Variants in KLHL3 observed in about 807,000 individuals in gnomAD.
KLHL3 encodes the protein kelch like family member 3, also known as kelch-like protein 3.
Under a neutral mutation model 70.5 loss-of-function variants are expected in KLHL3, and 19 were observed. The observed-to-expected ratio is 0.27, with a 90% CI of 0.19 to 0.40. The LOEUF is 0.40. Among genes scored for constraint, KLHL3 ranks in the 10% least tolerant of loss-of-function variants. The pLI is 1.00. For synonymous variants in KLHL3, 258 were observed against 290.3 expected (o/e 0.89, Z 1.13); for missense variants, 512 against 771.1 (o/e 0.66, Z 3.98).
chr5:137,663,012 T>C (rs371772950), intron 6 of KLHL3, among the ~76,000 whole-genome samples: 1 of 148,690 alleles, frequency 6.7e-6, no homozygotes, highest in African/African-American at 2.5e-5. Flanking sequence ...GGAGTATCCA[T>C]ACCATTAGAT....
At chr5:137,677,683 A>C in intron 5 of KLHL3, 29 bp from the exon 6 acceptor site, 1 of 1,409,998 alleles carries the variant, frequency 7.1e-7, no homozygotes, top group African/African-American at 1.5e-5. Context: ...AAAGAAGTTA[A>C]GAAAACAAAG....
At chr5:137,729,686 C>T (rs1011125511) in intron 1 of KLHL3, among the ~76,000 whole-genome samples, 1 of 152,138 alleles carries the variant, frequency 6.6e-6, no homozygotes, top group Non-Finnish European at 1.5e-5. Context: ...CAACTCTGGA[C>T]AGCAATGGGA....
intron 3 of KLHL3, among the ~76,000 whole-genome samples, chr5:137,700,226 A>G (rs1284850402): frequency 6.6e-6 from 1 of 152,284 alleles, no homozygotes; most frequent in Non-Finnish European, 1.5e-5. Context: ...AAACAAAAAC[A>G]TGCATACACA....
At chr5:137,726,562 G>T (rs1340886918) in intron 1 of KLHL3, among the ~76,000 whole-genome samples, 6 of 152,064 alleles carry the variant, frequency 3.9e-5, no homozygotes, top group Non-Finnish European at 8.8e-5. Flanking sequence ...CTGAATTCCT[G>T]TAGTATTTCT....
At position 137,636,400 on chromosome 5, in the gene KLHL3, A is replaced by G. The variant is rs549210239; in HGVS notation, c.1321+894T>C. On this transcript the variant is annotated intron_variant, in intron 11 of 14. Coordinates refer to ENST00000309755, the MANE Select transcript of KLHL3 (RefSeq NM_017415.3). ...ACAGATATTCCATCTAAATTCCCAC[A>G]TTACTACAAGTTGATGAATCAGTGT... 6.6e-5 allele frequency among the ~76,000 whole-genome samples: 10 copies of G among 152,358 alleles called. No homozygotes were observed. In the South Asian group the frequency reaches 2.1e-3, roughly 32 times the overall value.
intron 12 of KLHL3, among the ~76,000 whole-genome samples, chr5:137,631,403 C>G (rs1370539064): frequency 6.6e-6 from 1 of 151,746 alleles, no homozygotes; most frequent in Non-Finnish European, 1.5e-5. Flanking sequence ...AAGTCATTTT[C>G]TTCACATGTT....
In KLHL3 at chr5:137,692,143, T is replaced by G. The variant is rs548850979; in HGVS notation, c.526+142A>C. The G allele has an allele frequency of 4.4e-4, 311 of 711,142 alleles. 2 individuals carry two copies. The Middle Eastern group carries it at 7.3e-3, about 17-fold the overall frequency. The allele number at this position is 711,142 out of a possible 1,614,324, so 44.1% of individuals were successfully genotyped here. The stretch of plus-strand genomic sequence containing the variant: ...TGAGCTAAACTGTCCTATCATTAAT[T>G]ATCTTTCCACCTGTATCCCTAACTA... On this transcript the variant is annotated intron_variant, in intron 5 of 14. Coordinates refer to ENST00000309755, the MANE Select transcript of KLHL3 (RefSeq NM_017415.3).
At chr5:137,683,728 T>A (rs989816528) in intron 5 of KLHL3, among the ~76,000 whole-genome samples, 1 of 150,728 alleles carries the variant, frequency 6.6e-6, no homozygotes, top group African/African-American at 2.4e-5. Flanking sequence ...TGTTGTCCTC[T>A]CCCTCTCTTT....
At chr5:137,709,149 G>A (rs1752741328) in intron 3 of KLHL3, among the ~76,000 whole-genome samples, 1 of 152,344 alleles carries the variant, frequency 6.6e-6, no homozygotes, top group Non-Finnish European at 1.5e-5. Context: ...GTTGGCAAAG[G>A]TGCTGAAACT....
At chr5:137,635,591 G>A (rs549335666) in intron 11 of KLHL3, among the ~76,000 whole-genome samples, 1 of 152,264 alleles carries the variant, frequency 6.6e-6, no homozygotes, top group East Asian at 1.9e-4. Flanking sequence ...TGATGAGAGG[G>A]AGGAGAGGAA....
intron 8 of KLHL3, among the ~76,000 whole-genome samples, chr5:137,651,779 G>A (rs576602379): frequency 2.0e-5 from 3 of 152,188 alleles, no homozygotes; most frequent in African/African-American, 7.2e-5. Context: ...CAAAACTGGA[G>A]GACTCATATT....
Position 137,692,456 on chromosome 5 carries a change from G to C in KLHL3, c.364-9C>G. On this transcript the variant is annotated splice_polypyrimidine_tract_variant and intron_variant, in intron 4 of 14. Coordinates refer to ENST00000309755, the MANE Select transcript of KLHL3 (RefSeq NM_017415.3). ...GCTGCCGGGAGCAGCACCTGCAAGAGAAGGTGACATTCTCAGATATTGGAT... is the reference window on the plus strand; with the variant it reads ...GCTGCCGGGAGCAGCACCTGCAAGACAAGGTGACATTCTCAGATATTGGAT... 4 of 1,613,796 alleles carry C rather than the reference G, an allele frequency of 2.5e-6. No homozygotes were observed. The highest frequency in any genetic ancestry group is 2.5e-6 in the Non-Finnish European group (3 of 1,179,894).
At chr5:137,632,294 T>C (rs1750657619) in intron 12 of KLHL3, among the ~76,000 whole-genome samples, 1 of 152,110 alleles carries the variant, frequency 6.6e-6, no homozygotes, top group South Asian at 2.1e-4. Flanking sequence ...AGCATGGTGC[T>C]GGTACCAAAA....
rs964822390 is a variant in KLHL3, at chr5:137,637,176, C to T, written c.1321+118G>A. The T allele has an allele frequency of 9.4e-6, 7 of 746,406 alleles. No homozygotes were observed. In the African/African-American group the frequency reaches 1.2e-4, roughly 13 times the overall value. 46.2% of individuals were successfully genotyped at this position (746,406 alleles called of 1,614,324 possible). ...TAAATCAGGATAATAGTACCTAACC[C>T]AGAGGAGTGATCTCAGGAAAAAAAA... is the stretch of plus-strand genomic sequence containing the variant. On this transcript the variant is annotated intron_variant, in intron 11 of 14. Coordinates refer to ENST00000309755, the MANE Select transcript of KLHL3 (RefSeq NM_017415.3).
rs1269672559 is a variant in KLHL3, at chr5:137,639,279, G to T, written c.1022-129C>A. On this transcript the variant is annotated intron_variant, in intron 9 of 14. Coordinates refer to ENST00000309755, the MANE Select transcript of KLHL3 (RefSeq NM_017415.3). The surrounding 1 kb of genome is among the most constrained non-coding windows in gnomAD (Gnocchi z 5.0). ...CCGAAGATACTTTAGGTATTTGGCA[G>T]TCATTATGGGATTCACTGGATTTCT... The T allele has an allele frequency of 3.9e-6, 3 of 769,470 alleles. No homozygotes were observed. The East Asian group carries it at 8.1e-5, about 21-fold the overall frequency. The allele number at this position is 769,470 out of a possible 1,614,324, so 47.7% of individuals were successfully genotyped here.
rs1482068791 is a variant in KLHL3 at position 137,618,919 on chromosome 5, C to A, written c.*3179G>T. ...TAAAAAAAAAAAAAAGGCTCATCTACCTGGAGCTACTGAAAAATATGTTTC... is the reference window on the plus strand; with the variant it reads ...TAAAAAAAAAAAAAAGGCTCATCTAACTGGAGCTACTGAAAAATATGTTTC... On this transcript the variant is annotated 3_prime_UTR_variant, in exon 15 of 15. Transcript: ENST00000309755. The A allele has an allele frequency of 1.4e-5, 2 of 143,116 alleles. No homozygotes were observed. The highest frequency in any genetic ancestry group is 3.0e-5 in the Non-Finnish European group (2 of 66,026). 8.9% of individuals were successfully genotyped at this position (143,116 alleles called of 1,614,324 possible).
At chr5:137,712,333 G>T (rs1752810474) in intron 2 of KLHL3, among the ~76,000 whole-genome samples, 1 of 152,036 alleles carries the variant, frequency 6.6e-6, no homozygotes, top group Admixed American at 6.6e-5. Flanking sequence ...GACAATTTTT[G>T]AACAAATGGG....
intron 5 of KLHL3, among the ~76,000 whole-genome samples, chr5:137,683,846 A>G (rs1752096986): frequency 6.6e-6 from 1 of 152,002 alleles, no homozygotes. Context: ...GGGCCATAAT[A>G]GTGCTATTGA....
chr5:137,628,484 C>G (rs1750540337), intron 12 of KLHL3, 47 bp from the exon 13 acceptor site: 1 of 1,608,786 alleles, frequency 6.2e-7, no homozygotes. Context: ...ACTACAGTAA[C>G]CAGAAATCAG....
Sources: gnomAD v4.1 joint callset for allele counts (sites outside exome capture counted in the v4.1 genomes callset) on GRCh38, gnomAD v4.1.1 for gene constraint, Gnocchi (gnomAD v3.1) non-coding constraint, MANE v1.5 for transcripts, NCBI Gene and HGNC (gene_info 2026-07-23, HGNC 2026-07-21) for gene names.